THSD7A: variants seen among roughly 807,000 people sequenced by gnomAD.
The protein encoded by THSD7A is thrombospondin type-1 domain-containing protein 7A.
Under a neutral mutation model 231.3 loss-of-function variants are expected in THSD7A, and 96 were observed. The observed-to-expected ratio is 0.41, with a 90% confidence interval of 0.35 to 0.49. The LOEUF (loss-of-function observed/expected upper bound fraction) is 0.49. Among genes scored for constraint, THSD7A ranks in the 20% least tolerant of loss-of-function variants. The probability of loss-of-function intolerance (pLI) is 0.05; values close to 1 mark genes in which losing one functional copy is unlikely to be tolerated. For synonymous variants in THSD7A, 940 were observed against 743.3 expected (o/e 1.26, Z -4.30); for missense variants, 2,290 against 2,070.2 (o/e 1.11, Z -2.06).
At chr7:11,395,809 AGCCACCGT>A (rs1158794106) in intron 23 of THSD7A, among the ~76,000 whole-genome samples, 3 of 152,124 alleles carry the variant, frequency 2.0e-5, no homozygotes, top group African/African-American at 7.2e-5. Flanking sequence ...TACAGGCATG[AGCCACCGT>A]GCCCGGCCCA....
intron 6 of THSD7A, among the ~76,000 whole-genome samples, chr7:11,530,747 T>G (rs1192596581): frequency 6.6e-6 from 1 of 152,116 alleles, no homozygotes; most frequent in African/African-American, 2.4e-5. Flanking sequence ...TGGTGGCTCA[T>G]GCCTGTAAAT....
intron 4 of THSD7A, among the ~76,000 whole-genome samples, chr7:11,550,671 A>T (rs564778623): frequency 4.6e-5 from 7 of 152,080 alleles, no homozygotes; most frequent in Non-Finnish European, 1.0e-4. Flanking sequence ...ATTAAACCTC[A>T]TTTCTTTAAA....
At chr7:11,511,850 A>T (rs1424291748) in intron 6 of THSD7A, among the ~76,000 whole-genome samples, 11 of 152,176 alleles carry the variant, frequency 7.2e-5, no homozygotes, top group Non-Finnish European at 1.3e-4. Flanking sequence ...AACCTAGGCA[A>T]TACCATTCAG....
At chr7:11,603,273 A>G (rs1395893727) in intron 2 of THSD7A, among the ~76,000 whole-genome samples, 5 of 151,014 alleles carry the variant, frequency 3.3e-5, no homozygotes, top group Admixed American at 3.3e-4. Flanking sequence ...AAACACATGA[A>G]AAAATGCTCA....
At chr7:11,617,949 C>A (rs1201990694) in intron 2 of THSD7A, among the ~76,000 whole-genome samples, 1 of 152,072 alleles carries the variant, frequency 6.6e-6, no homozygotes, top group African/African-American at 2.4e-5. Flanking sequence ...AACAAACCTG[C>A]ACGTTTTGCA....
chr7:11,600,976 C>T (rs1780531617), intron 2 of THSD7A, among the ~76,000 whole-genome samples: 1 of 152,138 alleles, frequency 6.6e-6, no homozygotes, highest in African/African-American at 2.4e-5. Context: ...ACCAAAATCC[C>T]ATTGCTACTC....
At chr7:11,799,839 G>A (rs181484214) in intron 1 of THSD7A, among the ~76,000 whole-genome samples, 6 of 152,336 alleles carry the variant, frequency 3.9e-5, no homozygotes, top group African/African-American at 1.4e-4. Context: ...GAATGAGAGA[G>A]TTTAGGTCTG....
rs1782431093 is a variant in THSD7A, at chr7:11,379,654, A to G, written c.4566T>C (p.Ser1522=). Residue 1522 remains serine, a synonymous_variant, in exon 25 of 28, where the codon AGT becomes AGC. Coordinates refer to ENST00000423059, the MANE Select transcript of THSD7A (RefSeq NM_015204.3). The part of the protein sequence containing the change: ...DADRSCNPPC[S]QPHSYCSETK... ...CCTCGCTACAGTACGAGTGGGGTTG[A>G]CTACACGGTGGGTTACAAGACCTGT... is the stretch of plus-strand genomic sequence containing the variant. 6.3e-7 allele frequency: 1 copy of G among 1,590,088 alleles called. No homozygotes were observed. The highest frequency in any genetic ancestry group is 2.3e-5 in the East Asian group (1 of 43,784).
At chr7:11,829,853 TA>T (rs1360104319) in intron 1 of THSD7A, among the ~76,000 whole-genome samples, 5 of 151,788 alleles carry the variant, frequency 3.3e-5, no homozygotes, top group African/African-American at 1.2e-4. Context: ...TTGAATGAAC[TA>T]TTTTTTTTTT....
chr7:11,622,247 T>C (rs1281276371), intron 2 of THSD7A, among the ~76,000 whole-genome samples: 1 of 152,102 alleles, frequency 6.6e-6, no homozygotes, highest in Non-Finnish European at 1.5e-5. Flanking sequence ...CATTATTCAA[T>C]ATAACCCCAT....
At chr7:11,664,565 G>A (rs1783049603) in intron 1 of THSD7A, among the ~76,000 whole-genome samples, 1 of 151,936 alleles carries the variant, frequency 6.6e-6, no homozygotes, top group Admixed American at 6.6e-5. Context: ...GCAGCAAATA[G>A]CCATTGAAAC....
intron 6 of THSD7A, among the ~76,000 whole-genome samples, chr7:11,531,865 G>A (rs1420273998): frequency 6.6e-6 from 1 of 152,106 alleles, no homozygotes; most frequent in Non-Finnish European, 1.5e-5. Context: ...AAAGAATATA[G>A]CATATAGGAA....
In THSD7A at chr7:11,821,152, T is replaced by C; in HGVS notation, c.190+10605A>G. On this transcript the variant is annotated intron_variant, in intron 1 of 27. Coordinates refer to ENST00000423059, the MANE Select transcript of THSD7A (RefSeq NM_015204.3). ...TCCTCTATTTAGGTATTTAGTAAAG[T>C]GTTTATGTAATGTCATTCCTGAGGA... The C allele has an allele frequency of 5.4e-6, 6 of 1,117,326 alleles. No homozygotes were observed. In the South Asian group the frequency reaches 7.5e-5, roughly 14 times the overall value. The allele number at this position is 1,117,326 out of a possible 1,614,324, so 69.2% of individuals were successfully genotyped here.
At chr7:11,629,150 A>G (rs1304587948) in intron 2 of THSD7A, among the ~76,000 whole-genome samples, 1 of 152,156 alleles carries the variant, frequency 6.6e-6, no homozygotes, top group Non-Finnish European at 1.5e-5. Flanking sequence ...GCTTTCTCCC[A>G]TTGGTAGAAT....
chr7:11,503,714 A>T (rs1440242610), intron 6 of THSD7A, among the ~76,000 whole-genome samples: 4 of 152,222 alleles, frequency 2.6e-5, no homozygotes, highest in Non-Finnish European at 2.9e-5. Context: ...AAAAAAGCTC[A>T]ATATCACTGA....
At chr7:11,620,601 G>C (rs902943831) in intron 2 of THSD7A, among the ~76,000 whole-genome samples, 3 of 152,166 alleles carry the variant, frequency 2.0e-5, no homozygotes, top group African/African-American at 7.2e-5. Flanking sequence ...TCCAATGGCT[G>C]AGCAGCTCCT....
intron 4 of THSD7A, among the ~76,000 whole-genome samples, chr7:11,575,467 T>C (rs188634206): frequency 2.0e-5 from 3 of 152,360 alleles, no homozygotes; most frequent in African/African-American, 4.8e-5. Flanking sequence ...TTCAAGATTA[T>C]GTCCTGTCAA....
At chr7:11,424,629 T>G in intron 16 of THSD7A, 67 bp downstream of exon 16, 2 of 1,594,416 alleles carry the variant, frequency 1.3e-6, no homozygotes, top group Non-Finnish European at 1.7e-6. Flanking sequence ...AACAGTCATG[T>G]TGGCACATGT....
intron 11 of THSD7A, among the ~76,000 whole-genome samples, chr7:11,457,510 G>T (rs1380585789): frequency 2.0e-5 from 3 of 151,738 alleles, no homozygotes; most frequent in African/African-American, 7.3e-5. Context: ...TTGTTTCTAT[G>T]ACTTCAACCT....
Sources: gnomAD v4.1 joint callset for allele counts (sites outside exome capture counted in the v4.1 genomes callset) on GRCh38, gnomAD v4.1.1 for gene constraint, MANE v1.5 for transcripts, NCBI Gene and HGNC (gene_info 2026-07-23, HGNC 2026-07-21) for gene names.